ITGA1: variants seen among roughly 807,000 people sequenced by gnomAD.
ITGA1 encodes integrin subunit alpha 1.
ITGA1 carries 85 observed loss-of-function variants against 145.9 expected under a neutral mutation model. The observed-to-expected ratio is 0.58, with a 90% CI of 0.49 to 0.70. The LOEUF (loss-of-function observed/expected upper bound fraction) is 0.70, where lower values mean the gene tolerates loss of function less well. Among genes scored for constraint, ITGA1 ranks in the 30% least tolerant of loss-of-function variants. ITGA1 has a pLI of 0.00. For missense variants in ITGA1, 1,351 were observed against 1,418.7 expected (o/e 0.95, Z 0.77); for synonymous variants, 520 against 495.3 (o/e 1.05, Z -0.66).
intron 28 of ITGA1, 116 bp downstream of exon 28, chr5:52,947,577 G>A (rs111777449): frequency 2.5e-5 from 16 of 649,590 alleles, no homozygotes; most frequent in Middle Eastern, 2.4e-4. Flanking sequence ...TGAAACAAAC[G>A]TTGAAATGAT....
intron 6 of ITGA1, among the ~76,000 whole-genome samples, chr5:52,879,272 T>C (rs1749916642): frequency 6.8e-6 from 1 of 147,078 alleles, no homozygotes; most frequent in African/African-American, 2.5e-5. Flanking sequence ...ACAACAGGAG[T>C]AGGAGGGAAA....
intron 1 of ITGA1, chr5:52,825,132 T>A (rs185152314): frequency 6.6e-4 from 100 of 152,342 alleles, no homozygotes; most frequent in African/African-American, 2.3e-3. Context: ...TCCTGGGAAC[T>A]ACAGATCTGT....
At chr5:52,859,106 G>A (rs904209243) in intron 2 of ITGA1, among the ~76,000 whole-genome samples, 6 of 152,038 alleles carry the variant, frequency 3.9e-5, no homozygotes, top group Non-Finnish European at 5.9e-5. Context: ...ATTCAATAAA[G>A]CCTAGCTGCC....
chr5:52,863,752 G>C (rs777718537), intron 3 of ITGA1, among the ~76,000 whole-genome samples: 30 of 152,142 alleles, frequency 2.0e-4, no homozygotes, highest in Non-Finnish European at 2.9e-4. Flanking sequence ...AAGTACAGTA[G>C]GGAAGTTTCC....
At chr5:52,868,379 C>T (rs939756766) in intron 6 of ITGA1, among the ~76,000 whole-genome samples, 2 of 152,088 alleles carry the variant, frequency 1.3e-5, no homozygotes, top group African/African-American at 4.8e-5. Context: ...AAGATCTATG[C>T]CAGTGACTCC....
chr5:52,881,245 C>A (rs1363965620), intron 6 of ITGA1, among the ~76,000 whole-genome samples: 1 of 152,202 alleles, frequency 6.6e-6, no homozygotes, highest in Non-Finnish European at 1.5e-5. Flanking sequence ...ATGGTGCCCT[C>A]TTCTTTCCTC....
chr5:52,849,576 T>G (rs987209585), intron 2 of ITGA1, 91 bp downstream of exon 2: 14 of 1,133,246 alleles, frequency 1.2e-5, no homozygotes, highest in Non-Finnish European at 1.7e-5. Context: ...TGAATGAAAC[T>G]TTAACAGAAT....
At chr5:52,801,754 C>G (rs771256604) in intron 1 of ITGA1, 6 of 1,614,100 alleles carry the variant, frequency 3.7e-6, no homozygotes, top group Non-Finnish European at 5.1e-6. Flanking sequence ...ACAGCTCAGC[C>G]AGTTGACTGG....
At chr5:52,947,265 T>G in intron 27 of ITGA1, 80 bp from the exon 28 acceptor site, 1 of 816,106 alleles carries the variant, frequency 1.2e-6, no homozygotes, top group South Asian at 1.4e-5. Context: ...TGGTAGAGAA[T>G]TGTAGCCTGC....
In ITGA1 at chr5:52,910,346, T is replaced by G; in HGVS notation, c.1784T>G (p.Leu595Arg). Reference sequence around the variant, plus strand: ...AATGACATCGTGATAGGAGCTCCGCTGGAAGATGATCACGGGGGAGCTGTG... The same window carrying G: ...AATGACATCGTGATAGGAGCTCCGCGGGAAGATGATCACGGGGGAGCTGTG... ...GFNDIVIGAP[L>R]EDDHGGAVYI... The change falls in exon 14 of 29, where the codon CTG becomes CGG. Residue 595 changes from leucine to arginine, a missense_variant. Leu to Arg is a moderately radical substitution (Grantham distance 102). Coordinates refer to ENST00000282588, the MANE Select transcript of ITGA1 (RefSeq NM_181501.2). 2 of 1,613,826 alleles carry G rather than the reference T, an allele frequency of 1.2e-6. No homozygotes were observed. Among genetic ancestry groups the G allele is most frequent in the Non-Finnish European group, 8.5e-7 (1 of 1,179,824 alleles).
intron 2 of ITGA1, among the ~76,000 whole-genome samples, chr5:52,854,057 C>A (rs73102276): frequency 0.069 from 10,480 of 152,158 alleles, 575 homozygotes; most frequent in African/African-American, 0.15. Context: ...CTTCAAGCAA[C>A]CTTTCTTGGG....
chr5:52,881,860 CTT>C lies in ITGA1; in HGVS notation c.625-12_625-11del. On this transcript the variant is annotated splice_polypyrimidine_tract_variant and intron_variant, in intron 6 of 28. Transcript: ENST00000282588. Reference sequence around the variant, plus strand: ...TGGATTGACGTATAACTCACAGTGGCTTGGTATTTCAGGTTGGAATTGTACAG... The same window carrying C: ...TGGATTGACGTATAACTCACAGTGGCGGTATTTCAGGTTGGAATTGTACAG... The C allele has an allele frequency of 6.3e-7, 1 of 1,598,752 alleles. No homozygotes were observed. The highest frequency in any genetic ancestry group is 1.7e-5 in the Admixed American group (1 of 57,542).
chr5:52,880,690 T>C (rs1471643031), intron 6 of ITGA1, among the ~76,000 whole-genome samples: 1 of 152,322 alleles, frequency 6.6e-6, no homozygotes, highest in East Asian at 1.9e-4. Context: ...AAGTAGGCAA[T>C]TGCCTTGGAA....
chr5:52,921,590 G>A (rs1750730631), intron 17 of ITGA1, among the ~76,000 whole-genome samples: 1 of 152,120 alleles, frequency 6.6e-6, no homozygotes, highest in African/African-American at 2.4e-5. Flanking sequence ...ACCAGATATG[G>A]CATTGTCTCC....
intron 8 of ITGA1, among the ~76,000 whole-genome samples, chr5:52,891,700 C>A (rs1750154134): frequency 6.6e-6 from 1 of 151,388 alleles, no homozygotes; most frequent in Admixed American, 6.6e-5. Flanking sequence ...TAAGGAAACA[C>A]CTAGTGTCCT....
In ITGA1 at chr5:52,947,443, C is replaced by T. The variant is rs534117551; in HGVS notation, c.3477C>T (p.Leu1159=). The T allele has an allele frequency of 3.7e-6, 6 of 1,611,764 alleles. No homozygotes were observed. The East Asian group carries it at 1.1e-4, about 30-fold the overall frequency. ...AFAGLLLLML[L]ILALWKIGFF... is the part of the protein sequence containing the mutation. Reference sequence around the variant, plus strand: ...CCGGATTGTTGCTGTTAATGCTGCTCATTTTAGCACTGTGGAAGGTAAACA... The same window carrying T: ...CCGGATTGTTGCTGTTAATGCTGCTTATTTTAGCACTGTGGAAGGTAAACA... The change falls in exon 28 of 29, where the codon CTC becomes CTT. Residue 1159 remains leucine, a synonymous_variant. Coordinates refer to ENST00000282588, the MANE Select transcript of ITGA1 (RefSeq NM_181501.2).
intron 9 of ITGA1, among the ~76,000 whole-genome samples, chr5:52,895,137 T>C (rs1214852295): frequency 6.6e-6 from 1 of 152,176 alleles, no homozygotes; most frequent in Non-Finnish European, 1.5e-5. Flanking sequence ...CTCAGTCTGT[T>C]GATTTCATGA....
intron 14 of ITGA1, among the ~76,000 whole-genome samples, chr5:52,912,493 AT>A (rs1212539850): frequency 8.0e-6 from 1 of 124,406 alleles, no homozygotes; most frequent in Non-Finnish European, 1.7e-5. Context: ...TGTATTATAT[AT>A]AGTGTATCCA....
chr5:52,918,179 G>T (rs1460413110), intron 15 of ITGA1, among the ~76,000 whole-genome samples: 3 of 152,064 alleles, frequency 2.0e-5, no homozygotes, highest in African/African-American at 4.8e-5. Flanking sequence ...ACTTTTCAGA[G>T]CCCCAGTTAT....
Sources: allele counts gnomAD v4.1 joint callset (sites outside exome capture counted in the v4.1 genomes callset), GRCh38; gene constraint gnomAD v4.1.1; transcripts MANE v1.5; gene names NCBI Gene and HGNC (gene_info 2026-07-23, HGNC 2026-07-21).